SGCD: variants seen among roughly 807,000 people sequenced by gnomAD.
SGCD encodes the protein sarcoglycan delta, also known as delta-sarcoglycan.
In SGCD, 18 loss-of-function variants were observed where a neutral mutation model predicts 36.6. The ratio of observed to expected loss-of-function variants is 0.49; its 90% confidence interval spans 0.34 to 0.73. SGCD has a LOEUF of 0.73. Among genes scored for constraint, SGCD ranks in the 30% least tolerant of loss-of-function variants. SGCD has a pLI of 0.01. For synonymous variants in SGCD, 133 were observed against 130.6 expected (o/e 1.02, Z -0.12); for missense variants, 387 against 346.7 (o/e 1.12, Z -0.92).
At chr5:155,881,895 T>C (rs936527304) in intron 1 of SGCD, among the ~76,000 whole-genome samples, 2 of 152,208 alleles carry the variant, frequency 1.3e-5, no homozygotes, top group Non-Finnish European at 2.9e-5. Context: ...TGCTCATTCA[T>C]TGAAGTTTTA....
chr5:155,996,587 G>A lies in SGCD; in HGVS notation c.-281-121291G>A, dbSNP rs113797704. ...AAGGCCAGGAGTTCAAGACCAGCCC[G>A]GGCAACTTGGTGAAACTCCATCTCT... On this transcript the variant is annotated intron_variant, in intron 1 of 9. Coordinates refer to the SGCD transcript ENST00000517913. Among the ~76,000 whole-genome samples the A allele has an allele frequency of 9.7e-4, 148 of 152,106 alleles. 1 individual carries two copies. Among genetic ancestry groups the A allele is most frequent in the Non-Finnish European group, 1.7e-3 (113 of 67,992 alleles).
At chr5:155,766,775 C>A in the SGCD span, among the ~76,000 whole-genome samples, 1 of 152,160 alleles carries the variant, frequency 6.6e-6, no homozygotes, top group Non-Finnish European at 1.5e-5. Context: ...CACCATTTTA[C>A]AGATGAGCAA....
intron 1 of SGCD, among the ~76,000 whole-genome samples, chr5:155,941,566 G>A (rs541823962): frequency 4.6e-5 from 7 of 150,758 alleles, no homozygotes; most frequent in African/African-American, 1.2e-4. Flanking sequence ...TTATATTGCT[G>A]TTAATAATCA....
intron 3 of SGCD, among the ~76,000 whole-genome samples, chr5:156,466,716 T>C (rs1051778758): frequency 6.6e-6 from 1 of 152,186 alleles, no homozygotes; most frequent in African/African-American, 2.4e-5. Context: ...GATTGACTTC[T>C]CCATTAAGAA....
At chr5:156,545,636 C>T (rs535452151) in intron 4 of SGCD, among the ~76,000 whole-genome samples, 1 of 152,138 alleles carries the variant, frequency 6.6e-6, no homozygotes, top group South Asian at 2.1e-4. Context: ...AATACCACTG[C>T]AGATCTGACA....
In SGCD at chr5:156,344,507, A is replaced by G. The variant is rs1554094932; in HGVS notation, c.22A>G (p.Thr8Ala). The change falls in exon 3 of 9, where the codon ACT (threonine) becomes GCT (alanine). Residue 8 changes from threonine (T) to alanine (A), a missense_variant. Coordinates refer to ENST00000337851, the MANE Select transcript of SGCD (RefSeq NM_000337.6). ...ATTTCAGATGCCTCAGGAGCAGTAC[A>G]CTCACCACCGGAGCACCATGCCTGG... MMPQEQY[T>A]HHRSTMPGSV... 8 of 1,603,352 alleles carry G rather than the reference A, an allele frequency of 5.0e-6. No homozygotes were observed. Among genetic ancestry groups the G allele is most frequent in the Non-Finnish European group, 6.0e-6 (7 of 1,175,668 alleles).
At chr5:155,869,997 TCAACAACAA>T (rs34754949), upstream of SGCD, among the ~76,000 whole-genome samples, 3 of 151,068 alleles carry the variant, frequency 2.0e-5, no homozygotes, top group Non-Finnish European at 2.9e-5. Flanking sequence ...AGACTCCGTC[TCAACAACAA>T]CAACAACAAC....
chr5:156,229,476 G>A (rs1304235437), intron 3 of SGCD, among the ~76,000 whole-genome samples: 1 of 151,230 alleles, frequency 6.6e-6, no homozygotes, highest in South Asian at 2.1e-4. Context: ...TTTGTTTGAG[G>A]AGACTGAAGA....
intron 3 of SGCD, among the ~76,000 whole-genome samples, chr5:156,385,811 T>C (rs551745708): frequency 6.6e-6 from 1 of 152,330 alleles, no homozygotes; most frequent in East Asian, 1.9e-4. Context: ...ATTACCGACA[T>C]TCCCATTTTT....
chr5:156,332,377 G>C (rs78000700), intron 2 of SGCD, among the ~76,000 whole-genome samples: 23,764 of 152,204 alleles, frequency 0.16, 2,018 homozygotes, highest in Middle Eastern at 0.23. Flanking sequence ...GTAATTTCTT[G>C]GGCACAGTGG....
intron 3 of SGCD, among the ~76,000 whole-genome samples, chr5:156,369,898 C>T (rs1770294353): frequency 6.6e-6 from 1 of 152,204 alleles, no homozygotes; most frequent in South Asian, 2.1e-4. Flanking sequence ...AATCAGGCTA[C>T]TTGTTTTCAG....
At chr5:156,724,912 T>C (rs1454137090) in intron 7 of SGCD, among the ~76,000 whole-genome samples, 1 of 152,168 alleles carries the variant, frequency 6.6e-6, no homozygotes, top group African/African-American at 2.4e-5. Context: ...AATGTGTTTG[T>C]TTTTTTGTAC....
upstream of SGCD, among the ~76,000 whole-genome samples, chr5:156,325,103 G>GT (rs1484734732): frequency 1.6e-4 from 24 of 152,110 alleles, no homozygotes; most frequent in African/African-American, 4.1e-4. Flanking sequence ...TGATCTCACT[G>GT]TTTTTCTTTT....
chr5:156,712,194 G>A (rs762226918), intron 7 of SGCD, among the ~76,000 whole-genome samples: 2 of 152,134 alleles, frequency 1.3e-5, no homozygotes, highest in Non-Finnish European at 2.9e-5. Context: ...TTACCCATCT[G>A]GGAACAGGTC....
At chr5:156,091,154 GGTGAAGTGATAAAT>G (rs1761232433) in intron 1 of SGCD, among the ~76,000 whole-genome samples, 1 of 152,124 alleles carries the variant, frequency 6.6e-6, no homozygotes, top group African/African-American at 2.4e-5. Context: ...AGTATTGATT[GGTGAAGTGATAAAT>G]GTCCATGAAA....
At chr5:156,290,899 T>C (rs547826979) in intron 3 of SGCD, among the ~76,000 whole-genome samples, 8 of 152,268 alleles carry the variant, frequency 5.3e-5, no homozygotes, top group Admixed American at 1.3e-4. Flanking sequence ...GGTCAAATAG[T>C]AAATTTTAGG....
At chr5:156,382,034 T>C (rs528201774) in intron 3 of SGCD, among the ~76,000 whole-genome samples, 108 of 152,290 alleles carry the variant, frequency 7.1e-4, no homozygotes, top group Non-Finnish European at 1.0e-3. Flanking sequence ...TTCCCACAAG[T>C]TGTTGAAGTA....
At chr5:156,378,086 G>A (rs1255354486) in intron 3 of SGCD, among the ~76,000 whole-genome samples, 1 of 152,128 alleles carries the variant, frequency 6.6e-6, no homozygotes, top group African/African-American at 2.4e-5. Context: ...TAGACAGAAG[G>A]TAGAGCAACC....
At chr5:156,003,800 C>G (rs1758707787) in intron 1 of SGCD, among the ~76,000 whole-genome samples, 1 of 152,110 alleles carries the variant, frequency 6.6e-6, no homozygotes, top group African/African-American at 2.4e-5. Context: ...CTCAGGGCCC[C>G]CATAGATTTT....
Sources: gnomAD v4.1 joint callset for allele counts (sites outside exome capture counted in the v4.1 genomes callset) on GRCh38, gnomAD v4.1.1 for gene constraint, MANE v1.5 for transcripts, NCBI Gene and HGNC (gene_info 2026-07-23, HGNC 2026-07-21) for gene names.